TPST2: variants seen among roughly 807,000 people sequenced by gnomAD.
The protein encoded by TPST2 is protein-tyrosine sulfotransferase 2.
Under a neutral mutation model 27.8 loss-of-function variants are expected in TPST2, and 16 were observed. That is an observed-to-expected ratio of 0.58 (90% CI 0.39 to 0.88). The LOEUF (loss-of-function observed/expected upper bound fraction) is 0.88, where lower values mean the gene tolerates loss of function less well. Among genes scored for constraint, TPST2 ranks in the 40% least tolerant of loss-of-function variants. TPST2 has a pLI of 0.00. For synonymous variants in TPST2, 229 were observed against 231.7 expected (o/e 0.99, Z 0.10); for missense variants, 464 against 543.1 (o/e 0.85, Z 1.45).
At chr22:26,567,486 T>C (rs991765071) in intron 1 of TPST2, among the ~76,000 whole-genome samples, 4 of 152,330 alleles carry the variant, frequency 2.6e-5, no homozygotes, top group Admixed American at 2.6e-4. Flanking sequence ...CTAATATCAG[T>C]CACAGTTCCA....
At chr22:26,552,187 T>C (rs951407319) in intron 1 of TPST2, among the ~76,000 whole-genome samples, 2 of 152,140 alleles carry the variant, frequency 1.3e-5, no homozygotes, top group Non-Finnish European at 2.9e-5. Context: ...CGCCTTTTGA[T>C]GTTAGGATCA....
At chr22:26,565,604 G>A (rs117981463) in intron 1 of TPST2, 2,157 of 152,302 alleles carry the variant, frequency 0.014, 23 homozygotes, top group Non-Finnish European at 0.022. Flanking sequence ...GTCAGCCCCT[G>A]CCTAAAACCT....
intron 1 of TPST2, among the ~76,000 whole-genome samples, chr22:26,572,914 G>A (rs546701035): frequency 2.3e-3 from 354 of 152,216 alleles, no homozygotes; most frequent in African/African-American, 8.4e-3. Context: ...AGTGAAAAAA[G>A]AATGCGTTTT....
intron 1 of TPST2, among the ~76,000 whole-genome samples, chr22:26,568,864 C>CTTTTT (rs985608738): frequency 8.4e-6 from 1 of 119,644 alleles, no homozygotes; most frequent in Non-Finnish European, 1.7e-5. Flanking sequence ...ACCCTGAATT[C>CTTTTT]TTTTTTTTTT....
At chr22:26,562,291 G>A (rs1362188893) in intron 1 of TPST2, among the ~76,000 whole-genome samples, 2 of 152,160 alleles carry the variant, frequency 1.3e-5, no homozygotes, top group African/African-American at 4.8e-5. Flanking sequence ...GTATGCTTAG[G>A]GGCTGCTGGA....
chr22:26,552,776 T>A (rs930529156), intron 1 of TPST2, among the ~76,000 whole-genome samples: 2 of 152,060 alleles, frequency 1.3e-5, no homozygotes, highest in Admixed American at 1.3e-4. Flanking sequence ...AAAGACACTA[T>A]CAGCCAGGAG....
At chr22:26,529,243 C>T (rs1925017141) in intron 5 of TPST2, among the ~76,000 whole-genome samples, 1 of 152,154 alleles carries the variant, frequency 6.6e-6, no homozygotes, top group South Asian at 2.1e-4. Flanking sequence ...TCTCCTGCCT[C>T]AGCCTTCCAA....
At chr22:26,564,235 C>G (rs1305948600) in intron 1 of TPST2, among the ~76,000 whole-genome samples, 1 of 152,220 alleles carries the variant, frequency 6.6e-6, no homozygotes, top group African/African-American at 2.4e-5. Context: ...TCGTACCAGC[C>G]TCCTGATCAA....
rs542287441 is a variant in TPST2 at position 26,577,146 on chromosome 22, A to G, written c.-161+12907T>C. Among the ~76,000 whole-genome samples the G allele has an allele frequency of 5.3e-5, 8 of 150,578 alleles. No homozygotes were observed. The East Asian group carries it at 1.6e-3, about 29-fold the overall frequency. On this transcript the variant is annotated intron_variant, in intron 1 of 6. Coordinates refer to ENST00000338754, the MANE Select transcript of TPST2 (RefSeq NM_003595.5). ...AAATTAGCCAAGCGTGGTGGTGCAT[A>G]CTTGTAGTCCCTGCTACTTGGGAGG... is the stretch of plus-strand genomic sequence containing the variant.
At position 26,541,117 on chromosome 22, in the gene TPST2, G is replaced by A. The variant is rs1457744835; in HGVS notation, c.514C>T (p.Leu172=). The A allele has an allele frequency of 2.5e-6, 4 of 1,608,224 alleles. No individual in the cohort carries two copies. In the East Asian group the frequency reaches 6.7e-5, roughly 27 times the overall value. Residue 172 remains leucine, a synonymous_variant, in exon 3 of 7, where the codon CTG becomes TTG. Coordinates refer to ENST00000338754, the MANE Select transcript of TPST2 (RefSeq NM_003595.5). The surrounding 1 kb of genome is among the most constrained non-coding windows in gnomAD (Gnocchi z 5.9). Reference sequence around the variant, plus strand: ...AGCAGGAACTTGGAGTTGGGGAACAGGCGCGACAGGTAGACCGAGGACTTG... The same window carrying A: ...AGCAGGAACTTGGAGTTGGGGAACAAGCGCGACAGGTAGACCGAGGACTTG... The part of the protein sequence containing the change: ...TLKSSVYLSR[L]FPNSKFLLMV...
chr22:26,544,069 C>T (rs1473312882), intron 2 of TPST2, among the ~76,000 whole-genome samples: 4 of 152,222 alleles, frequency 2.6e-5, no homozygotes, highest in African/African-American at 9.7e-5. Context: ...TGGAGTACTA[C>T]ACTCCAAGGT....
chr22:26,550,308 C>T (rs992444777), intron 1 of TPST2, among the ~76,000 whole-genome samples: 5 of 152,126 alleles, frequency 3.3e-5, no homozygotes, highest in Non-Finnish European at 7.4e-5. Context: ...GCCAAGAAAC[C>T]AGTATGTGAG....
At chr22:26,551,874 TTTCTTTTTC>T (rs1555931106) in intron 1 of TPST2, among the ~76,000 whole-genome samples, 1 of 115,954 alleles carries the variant, frequency 8.6e-6, no homozygotes, top group South Asian at 2.6e-4. Flanking sequence ...TTCCTTTTCT[TTTCTTTTTC>T]TTTTTTTTTT....
At chr22:26,556,665 C>T (rs1046723386) in intron 1 of TPST2, among the ~76,000 whole-genome samples, 1 of 152,194 alleles carries the variant, frequency 6.6e-6, no homozygotes, top group Non-Finnish European at 1.5e-5. Flanking sequence ...TTCCCCTCAT[C>T]CAAATTCCTA....
intron 5 of TPST2, among the ~76,000 whole-genome samples, chr22:26,530,336 C>T (rs887835540): frequency 5.3e-5 from 8 of 152,000 alleles, no homozygotes; most frequent in African/African-American, 1.9e-4. Context: ...ACTATTTTTT[C>T]ATCATTTGGG....
Position 26,528,756 on chromosome 22 carries a change from G to A in TPST2, c.1093-494C>T, listed in dbSNP as rs562676677. Among the ~76,000 whole-genome samples the A allele has an allele frequency of 3.3e-4, 50 of 152,290 alleles. No homozygotes were observed. In the East Asian group the frequency reaches 8.3e-3, roughly 25 times the overall value. The stretch of plus-strand genomic sequence containing the variant: ...CCAGCGCTTTGGGAGGCCGAGGAGG[G>A]TGGATCACCTGAGGTCAGGAGTTTG... On this transcript the variant is annotated intron_variant, in intron 5 of 6. Coordinates refer to ENST00000338754, the MANE Select transcript of TPST2 (RefSeq NM_003595.5).
At chr22:26,533,746 C>A (rs1317511242) in intron 4 of TPST2, among the ~76,000 whole-genome samples, 3 of 152,060 alleles carry the variant, frequency 2.0e-5, no homozygotes, top group African/African-American at 4.8e-5. Flanking sequence ...GCGATCACGG[C>A]TCACTGCAGC....
At chr22:26,555,249 T>C (rs12161068) in intron 1 of TPST2, 5,435 of 531,774 alleles carry the variant, frequency 0.01, 227 homozygotes, top group African/African-American at 0.093. Flanking sequence ...GCAAAAGTAA[T>C]GCAGTTTTTG....
chr22:26,571,277 G>A (rs939748321), intron 1 of TPST2, among the ~76,000 whole-genome samples: 8 of 152,012 alleles, frequency 5.3e-5, no homozygotes, highest in Admixed American at 1.3e-4. Context: ...CCCGCTGCCC[G>A]GATGCCCTTT....
Sources: gnomAD v4.1 joint callset for allele counts (sites outside exome capture counted in the v4.1 genomes callset) on GRCh38, gnomAD v4.1.1 for gene constraint, Gnocchi (gnomAD v3.1) non-coding constraint, MANE v1.5 for transcripts, NCBI Gene and HGNC (gene_info 2026-07-23, HGNC 2026-07-21) for gene names.